The following C14orf39 variants were observed in gnomAD, a reference collection of about 807,000 sequenced individuals.
The protein encoded by C14orf39 is chromosome 14 open reading frame 39.
In C14orf39, 66 loss-of-function variants were observed where a neutral mutation model predicts 85.6. The observed-to-expected ratio is 0.77, with a 90% CI of 0.63 to 0.95. The LOEUF (loss-of-function observed/expected upper bound fraction) is 0.95. C14orf39 is among the 40% of genes least tolerant of loss of function. The pLI, the probability that C14orf39 is intolerant of heterozygous loss-of-function variation, is 0.00. For missense variants in C14orf39, 735 were observed against 663.9 expected, an observed-to-expected ratio of 1.11 and a Z score of -1.18; for synonymous variants, 242 against 214.0, an observed-to-expected ratio of 1.13 and a Z score of -1.14.
rs1890238753 is a variant in C14orf39, at chr14:60,436,113, AAAG to A, written c.*729_*731del. The A allele has an allele frequency of 6.6e-6, 1 of 152,180 alleles. No homozygotes were observed. Among genetic ancestry groups the A allele is most frequent in the South Asian group, 2.1e-4 (1 of 4,830 alleles). 9.4% of individuals were successfully genotyped at this position (152,180 alleles called of 1,614,324 possible). A position where few individuals can be genotyped will look rare whatever the true frequency, so the allele number is the denominator to read the frequency against. On this transcript the variant is annotated 3_prime_UTR_variant, in exon 18 of 18. Transcript: ENST00000321731. ...TTGACAAATACTGAACACAAAACAT[AAAG>A]AAGAAATTTTTGTTATTGAAGGAGA...
chr14:60,439,546 A>G (rs1890409257), intron 17 of C14orf39, among the ~76,000 whole-genome samples: 1 of 152,212 alleles, frequency 6.6e-6, no homozygotes, highest in Non-Finnish European at 1.5e-5. Context: ...CAAACCTTAA[A>G]AGCCAGAATA....
intron 7 of C14orf39, 111 bp from the exon 8 acceptor site, chr14:60,469,764 T>C: frequency 2.0e-6 from 1 of 505,578 alleles, no homozygotes; most frequent in Non-Finnish European, 3.1e-6. Flanking sequence ...ATGTTTCATA[T>C]AAACAGTAAG....
intron 5 of C14orf39, among the ~76,000 whole-genome samples, chr14:60,474,647 T>C (rs557931715): frequency 1.3e-5 from 2 of 152,244 alleles, no homozygotes; most frequent in East Asian, 3.9e-4. Flanking sequence ...TTTCTGCACC[T>C]ATTGAGATAA....
intron 1 of C14orf39, among the ~76,000 whole-genome samples, chr14:60,507,728 C>A (rs1893224526): frequency 6.6e-6 from 1 of 152,082 alleles, no homozygotes; most frequent in Non-Finnish European, 1.5e-5. Context: ...TCTGATTTAC[C>A]AGATCTGTAC....
At chr14:60,457,873 G>A (rs1396016299) in intron 14 of C14orf39, among the ~76,000 whole-genome samples, 2 of 151,772 alleles carry the variant, frequency 1.3e-5, no homozygotes, top group Non-Finnish European at 1.5e-5. Flanking sequence ...TTGTCGTGGC[G>A]AATCATTCAA....
chr14:60,462,132 C>G (rs12587609), intron 11 of C14orf39, among the ~76,000 whole-genome samples: 125,604 of 152,050 alleles, frequency 0.83, 53,343 homozygotes, highest in Non-Finnish European at 0.92. Context: ...CCAATACTTT[C>G]AGGGACTGAG....
intron 16 of C14orf39, among the ~76,000 whole-genome samples, chr14:60,450,539 A>G (rs1010244901): frequency 2.0e-5 from 3 of 152,136 alleles, no homozygotes; most frequent in Admixed American, 2.0e-4. Context: ...TTTGACTCCA[A>G]TCCCAAAATC....
intron 11 of C14orf39, among the ~76,000 whole-genome samples, chr14:60,463,466 G>A (rs1261835359): frequency 4.0e-5 from 6 of 151,820 alleles, no homozygotes; most frequent in African/African-American, 1.5e-4. Context: ...TAATTACTAT[G>A]TTTTGATAAT....
rs565054440 is a variant in C14orf39 at position 60,506,716 on chromosome 14, C to G, written c.-143-7286G>C. Among the ~76,000 whole-genome samples, 10 of 152,348 alleles carry G rather than the reference C, an allele frequency of 6.6e-5. No homozygotes were observed. The South Asian group carries it at 1.9e-3, about 28-fold the overall frequency. ...AGTCCCTTCCTGCCAAGCCACCAGA[C>G]AGTGCTCCTACTCTGCCACACGCAG... On this transcript the variant is annotated intron_variant, in intron 1 of 5. Coordinates refer to the C14orf39 transcript ENST00000556799.
intron 15 of C14orf39, among the ~76,000 whole-genome samples, chr14:60,455,976 C>T (rs933782659): frequency 3.3e-5 from 5 of 152,042 alleles, no homozygotes; most frequent in African/African-American, 1.2e-4. Context: ...GAGGTCTTAG[C>T]GTATGAGCTC....
At chr14:60,441,628 C>T (rs1890515637) in intron 17 of C14orf39, among the ~76,000 whole-genome samples, 1 of 151,808 alleles carries the variant, frequency 6.6e-6, no homozygotes, top group Non-Finnish European at 1.5e-5. Context: ...CACCACAGCC[C>T]AAAAGCATAC....
Position 60,466,992 on chromosome 14 carries a change from G to T in C14orf39, c.820C>A (p.Gln274Lys). The T allele has an allele frequency of 1.4e-6, 2 of 1,472,438 alleles. No individual in the cohort carries two copies. Among genetic ancestry groups the T allele is most frequent in the South Asian group, 3.0e-5 (2 of 67,308 alleles). 91.2% of individuals were successfully genotyped at this position (1,472,438 alleles called of 1,614,324 possible). A position where few individuals can be genotyped will look rare whatever the true frequency, so the allele number is the denominator to read the frequency against. The change falls in exon 10 of 18, where the codon CAA becomes AAA. Residue 274 changes from glutamine (Q) to lysine (K), a missense_variant. Physicochemically the swap from Gln to Lys is moderately conservative, Grantham distance 53. Transcript: ENST00000321731. ...VLTLNKTQSS[Q>K]LFLPYESQKL... ...TGAGATTCATAAGGAAGAAATAATT[G>T]ACTGCTTTGAGTTTTATTCAATGTA...
At chr14:60,474,233 T>C (rs955561133) in intron 5 of C14orf39, among the ~76,000 whole-genome samples, 3 of 152,222 alleles carry the variant, frequency 2.0e-5, no homozygotes, top group Non-Finnish European at 4.4e-5. Context: ...ATGCTTGTGA[T>C]TTTTGCACAT....
At chr14:60,511,137 G>A in intron 1 of C14orf39, 1 of 1,612,852 alleles carries the variant, frequency 6.2e-7, no homozygotes, top group Non-Finnish European at 8.5e-7. Flanking sequence ...CGGGCGGAGG[G>A]CGACGGCACG....
At chr14:60,437,217 G>C (rs1463649930) in intron 17 of C14orf39, among the ~76,000 whole-genome samples, 170 bp from the exon 18 acceptor site, 2 of 151,872 alleles carry the variant, frequency 1.3e-5, no homozygotes, top group Non-Finnish European at 2.9e-5. Context: ...ATTGTCCTTG[G>C]TACTATGAAG....
rs575586986 is a variant in C14orf39, at chr14:60,499,899, T to C, written c.-143-469A>G. Among the ~76,000 whole-genome samples the C allele has an allele frequency of 2.6e-5, 4 of 152,374 alleles. No individual in the cohort carries two copies. The South Asian group carries it at 8.3e-4, about 32-fold the overall frequency. Reference sequence around the variant, plus strand: ...AATTACCCATAAATATATTAACATGTATAACCTCATTAATAATCAAAGAAA... The same window carrying C: ...AATTACCCATAAATATATTAACATGCATAACCTCATTAATAATCAAAGAAA... On this transcript the variant is annotated intron_variant, in intron 1 of 5. Transcript: ENST00000556799.
At chr14:60,479,963 G>C (rs1161985849) in intron 4 of C14orf39, among the ~76,000 whole-genome samples, 1 of 152,040 alleles carries the variant, frequency 6.6e-6, no homozygotes, top group African/African-American at 2.4e-5. Context: ...TAAATAACCT[G>C]ACATTTTCAA....
rs536348708 is a variant in C14orf39, at chr14:60,463,377, T to A, written c.973-1784A>T. ...TTCTGTTATTGTCTTTTAACTTTGTTAGTGTCTCTTATCATATATGTTTTT... is the reference window on the plus strand; with the variant it reads ...TTCTGTTATTGTCTTTTAACTTTGTAAGTGTCTCTTATCATATATGTTTTT... On this transcript the variant is annotated intron_variant, in intron 11 of 17. Transcript: ENST00000321731. 5.9e-5 allele frequency among the ~76,000 whole-genome samples: 9 copies of A among 152,292 alleles called. No homozygotes were observed. The South Asian group carries it at 1.9e-3, about 32-fold the overall frequency.
chr14:60,506,888 C>T (rs1893210754), intron 1 of C14orf39, among the ~76,000 whole-genome samples: 1 of 152,196 alleles, frequency 6.6e-6, no homozygotes, highest in East Asian at 1.9e-4. Flanking sequence ...GATAAATATT[C>T]CCATTTCCTG....
Sources: gnomAD v4.1 joint callset for allele counts (sites outside exome capture counted in the v4.1 genomes callset) on GRCh38, gnomAD v4.1.1 for gene constraint, MANE v1.5 for transcripts, NCBI Gene and HGNC (gene_info 2026-07-23, HGNC 2026-07-21) for gene names.